The following CCDC159 variants were observed in gnomAD, a reference collection of about 807,000 sequenced individuals.
CCDC159 encodes coiled-coil domain-containing protein 159.
In CCDC159, 40 loss-of-function variants were observed where a neutral mutation model predicts 50.9. The ratio of observed to expected loss-of-function variants is 0.79; its 90% CI spans 0.61 to 1.02. The LOEUF is 1.02. Among genes scored for constraint, CCDC159 ranks in the 50% least tolerant of loss-of-function variants. The probability of loss-of-function intolerance (pLI) is 0.00; values close to 1 mark genes in which losing one functional copy is unlikely to be tolerated. For synonymous variants in CCDC159, 146 were observed against 138.9 expected (o/e 1.05, Z -0.36); for missense variants, 356 against 371.5 (o/e 0.96, Z 0.34).
chr19:11,351,736 G>GA, intron 5 of CCDC159, 170 bp from the exon 6 acceptor site: 1 of 574,430 alleles, frequency 1.7e-6, no homozygotes, highest in Non-Finnish European at 3.0e-6. Context: ...CTGGGGATCA[G>GA]AAGGAGAGGA....
intron 7 of CCDC159, 114 bp downstream of exon 7, chr19:11,352,247 A>G (rs1230207113): frequency 2.9e-6 from 3 of 1,026,666 alleles, no homozygotes; most frequent in Middle Eastern, 5.2e-4. Context: ...TCTGCCACTC[A>G]CTGCTGTGTG....
intron 9 of CCDC159, among the ~76,000 whole-genome samples, chr19:11,354,305 G>A (rs1003916260): frequency 2.2e-4 from 33 of 152,038 alleles, no homozygotes; most frequent in African/African-American, 7.7e-4. Flanking sequence ...CAGGAGGATC[G>A]CTTGAGCCTG....
rs373411022 is a variant in CCDC159, at chr19:11,349,195, G to C, written c.22-459G>C. The stretch of plus-strand genomic sequence containing the variant: ...TGAAGAGGCATCACAACGTAGCTAA[G>C]GTCACCCCCACCCGGGAAACCCCTT... On this transcript the variant is annotated intron_variant, in intron 1 of 10. Transcript: ENST00000458408. 8.7e-5 allele frequency: 116 copies of C among 1,335,622 alleles called. No homozygotes were observed. The African/African-American group carries it at 1.6e-3, about 18-fold the overall frequency. 82.7% of individuals were successfully genotyped at this position (1,335,622 alleles called of 1,614,324 possible).
intron 2 of CCDC159, 46 bp downstream of exon 2, chr19:11,349,733 G>T: frequency 1.4e-6 from 2 of 1,454,886 alleles, no homozygotes; most frequent in South Asian, 1.2e-5. Flanking sequence ...AAGACCTGCT[G>T]GTTTCTACCT....
At position 11,346,577 on chromosome 19, in the gene CCDC159, C is replaced by A; in HGVS notation, c.-30C>A. 6.4e-7 allele frequency: 1 copy of A among 1,551,384 alleles called. No homozygotes were observed. Among genetic ancestry groups the A allele is most frequent in the Admixed American group, 2.0e-5 (1 of 50,984 alleles). On this transcript the variant is annotated 5_prime_UTR_variant, in exon 1 of 11. An upstream open reading frame in the 5' UTR gains an earlier in-frame stop. Transcript: ENST00000458408. ...TCCCCGCGGGATCAAACTTCAGCGT[C>A]ACAGCTGAGGACTGGCTTCGTGGTC...
chr19:11,350,613 G>A (rs1015635667), intron 4 of CCDC159, among the ~76,000 whole-genome samples, 195 bp from the exon 5 acceptor site: 2 of 152,202 alleles, frequency 1.3e-5, no homozygotes, highest in Admixed American at 1.3e-4. Context: ...TCACGCCACT[G>A]CACTCCAGCC....
At chr19:11,348,358 G>C (rs911371146) in intron 1 of CCDC159, among the ~76,000 whole-genome samples, 3 of 152,018 alleles carry the variant, frequency 2.0e-5, no homozygotes, top group Non-Finnish European at 2.9e-5. Context: ...GTGCAATCTC[G>C]GCTCACTGCC....
At position 11,349,977 on chromosome 19, in the gene CCDC159, T is replaced by G; in HGVS notation, c.95T>G (p.Leu32Arg). 1 of 1,613,814 alleles carries G rather than the reference T, an allele frequency of 6.2e-7. No homozygotes were observed. The highest frequency in any genetic ancestry group is 8.5e-7 in the Non-Finnish European group (1 of 1,179,854). Residue 32 changes from leucine to arginine, a missense_variant, in exon 3 of 11, where the codon CTG becomes CGG. By Grantham distance (102) the Leu-to-Arg change is moderately radical. Coordinates refer to ENST00000458408, the MANE Select transcript of CCDC159 (RefSeq NM_001080503.3). The stretch of plus-strand genomic sequence containing the variant: ...ATGATTCCCGACTCCCAGAAGCTCC[T>G]GCGATGTGAACTTGAGTCACTCAAG... ...IVMIPDSQKL[L>R]RCELESLKSQ...
At chr19:11,354,207 A>C (rs1967749967) in intron 9 of CCDC159, among the ~76,000 whole-genome samples, 1 of 152,072 alleles carries the variant, frequency 6.6e-6, no homozygotes, top group Admixed American at 6.6e-5. Context: ...GTGAGACCCC[A>C]TCTCTCCAAA....
chr19:11,349,109 G>A (rs1311500298), intron 1 of CCDC159: 1 of 1,349,946 alleles, frequency 7.4e-7, no homozygotes, highest in East Asian at 4.6e-5. Flanking sequence ...TTCGCCACAT[G>A]AGGCTGCCCC....
intron 9 of CCDC159, among the ~76,000 whole-genome samples, chr19:11,354,351 C>T (rs1316556681): frequency 1.3e-5 from 2 of 151,974 alleles, no homozygotes; most frequent in African/African-American, 4.8e-5. Flanking sequence ...AATCGTGCCA[C>T]TGCACTCCAG....
At chr19:11,351,168 G>A (rs1967553781) in intron 5 of CCDC159, 165 bp downstream of exon 5, 2 of 713,866 alleles carry the variant, frequency 2.8e-6, no homozygotes, top group South Asian at 2.0e-5. Context: ...CGGGTGTGGT[G>A]GCTCATGCCT....
chr19:11,351,030 G>C (rs1967544055), intron 5 of CCDC159, 27 bp downstream of exon 5: 1 of 1,514,212 alleles, frequency 6.6e-7, no homozygotes, highest in Non-Finnish European at 8.9e-7. Flanking sequence ...GGGCAGCTTG[G>C]AGTCCACAGG....
chr19:11,349,186 C>T (rs541319882), intron 1 of CCDC159: 117 of 1,342,306 alleles, frequency 8.7e-5, no homozygotes, highest in African/African-American at 6.4e-4. Flanking sequence ...GGCATCACAA[C>T]GTAGCTAAGG....
intron 1 of CCDC159, among the ~76,000 whole-genome samples, chr19:11,347,248 G>C (rs1046344413): frequency 6.6e-6 from 1 of 152,006 alleles, no homozygotes. Context: ...GGGGATGCCC[G>C]GCACTCAATT....
Position 11,350,017 on chromosome 19 carries a change from C to T in CCDC159, c.135C>T (p.Ala45=), listed in dbSNP as rs374902533. 2.3e-5 allele frequency: 37 copies of T among 1,613,594 alleles called. No homozygotes were observed. Among genetic ancestry groups the T allele is most frequent in the Non-Finnish European group, 3.1e-5 (36 of 1,179,814 alleles). Residue 45 remains alanine, a synonymous_variant, in exon 3 of 11, where the codon GCC becomes GCT. Transcript: ENST00000458408. ...AGTCACTCAAGAGCCAGTTACAGGC[C>T]CAGACCAAGGTGAACCACCTTGGCC... ...ELESLKSQLQ[A]QTKAFEFLNH...
At chr19:11,351,381 G>A (rs1001362699) in intron 5 of CCDC159, 2 of 218,786 alleles carry the variant, frequency 9.1e-6, no homozygotes, top group Non-Finnish European at 1.8e-5. Context: ...AGGTTGCAGT[G>A]AGCTGAGATC....
Position 11,351,905 on chromosome 19 carries a change from G to A in CCDC159, c.423-1G>A. ...AGGTCTAGGCTGCACTGTCCCCTCA[G>A]CAAGAAGTTCCTGTGGGAGGAGCTG... On this transcript the variant is annotated splice_acceptor_variant, in intron 5 of 10. Coordinates refer to ENST00000458408, the MANE Select transcript of CCDC159 (RefSeq NM_001080503.3). LOFTEE classifies it high-confidence loss of function. 6.3e-7 allele frequency: 1 copy of A among 1,592,536 alleles called. No homozygotes were observed. The highest frequency in any genetic ancestry group is 1.1e-5 in the South Asian group (1 of 87,730).
Position 11,350,187 on chromosome 19 carries a change from C to A in CCDC159, c.214C>A (p.Gln72Lys). ...KESCLQQIKI[Q>K]QLEEVLSPTG... ...GAGCTGCTTGCAGCAAATCAAGATT[C>A]AGCAGCTTGAAGGTGAGGACTGACC... The change falls in exon 4 of 11, where the codon CAG becomes AAG. Residue 72 changes from glutamine (Q) to lysine (K), a missense_variant. Physicochemically the swap from Gln to Lys is moderately conservative, Grantham distance 53 (BLOSUM62 1). Coordinates refer to ENST00000458408, the MANE Select transcript of CCDC159 (RefSeq NM_001080503.3). The A allele has an allele frequency of 6.2e-7, 1 of 1,611,352 alleles. No individual in the cohort carries two copies. Among genetic ancestry groups the A allele is most frequent in the Non-Finnish European group, 8.5e-7 (1 of 1,178,958 alleles).
Sources: gnomAD v4.1 joint callset for allele counts (sites outside exome capture counted in the v4.1 genomes callset) on GRCh38, gnomAD v4.1.1 for gene constraint, MANE v1.5 for transcripts, NCBI Gene and HGNC (gene_info 2026-07-23, HGNC 2026-07-21) for gene names.